Variants in MMP8 observed in about 807,000 individuals in gnomAD.
MMP8 encodes matrix metallopeptidase 8.
Under a neutral mutation model 51.2 loss-of-function variants are expected in MMP8, and 67 were observed. The ratio of observed to expected loss-of-function variants is 1.31; its 90% CI spans 1.08 to 1.60. The LOEUF (loss-of-function observed/expected upper bound fraction) is 1.60. Ranked by LOEUF, MMP8 falls within the 40% of genes most tolerant of loss-of-function variation. MMP8 has a pLI of 0.00. For synonymous variants in MMP8, 225 were observed against 191.0 expected (o/e 1.18, Z -1.47); for missense variants, 654 against 558.1 (o/e 1.17, Z -1.73).
intron 5 of MMP8, 55 bp downstream of exon 5, chr11:102,718,359 G>A: frequency 1.3e-6 from 2 of 1,520,094 alleles, no homozygotes; most frequent in East Asian, 4.7e-5. Flanking sequence ...TTCTGGGAGT[G>A]TTCGCCTATT....
In MMP8 at chr11:102,716,367, A is replaced by G; in HGVS notation, c.837T>C (p.Cys279=). ...QPTGPSTPKP[C]DPSLTFDAIT... ...TAGCATCAAATGTCAAACTGGGGTCACAGGGTTTGGGTGTGCTTGGTCCAG... is the reference window on the plus strand; with the variant it reads ...TAGCATCAAATGTCAAACTGGGGTCGCAGGGTTTGGGTGTGCTTGGTCCAG... Residue 279 remains cysteine (C), a synonymous_variant, in exon 6 of 10, where the codon TGT becomes TGC. Coordinates refer to ENST00000236826, the MANE Select transcript of MMP8 (RefSeq NM_002424.3). 1.9e-6 allele frequency: 3 copies of G among 1,602,606 alleles called. No homozygotes were observed. The highest frequency in any genetic ancestry group is 1.4e-5 in the African/African-American group (1 of 73,248).
chr11:102,718,302 T>G, intron 5 of MMP8, 112 bp downstream of exon 5: 2 of 1,143,426 alleles, frequency 1.7e-6, no homozygotes, highest in South Asian at 3.1e-5. Context: ...AAATTCAGAG[T>G]TCAGTTTTAT....
Position 102,712,344 on chromosome 11 carries a change from T to C in MMP8, c.*1004A>G, listed in dbSNP as rs7925438. 0.23 allele frequency: 34,948 copies of C among 152,192 alleles called. 4,987 individuals are homozygous for C. The highest frequency in any genetic ancestry group is 0.51 in the East Asian group (2,620 of 5,166). The allele number at this position is 152,192 out of a possible 1,614,324, so 9.4% of individuals were successfully genotyped here. A position where few individuals can be genotyped will look rare whatever the true frequency, so the allele number is the denominator to read the frequency against. ...GCCCAGTAGTCCTTAGCAAGGGTTC[T>C]ACTTCTGCATTCTGTGTTGATTCAT... On this transcript the variant is annotated 3_prime_UTR_variant, in exon 10 of 10. Coordinates refer to ENST00000236826, the MANE Select transcript of MMP8 (RefSeq NM_002424.3).
chr11:102,716,559 T>A, intron 5 of MMP8, 140 bp from the exon 6 acceptor site: 1 of 428,436 alleles, frequency 2.3e-6, no homozygotes, highest in East Asian at 3.6e-5. Flanking sequence ...TACCATAAAG[T>A]ATTAAAGTAA....
In MMP8 at chr11:102,714,561, G is replaced by T; in HGVS notation, c.1185C>A (p.Phe395Leu). ...GAAAAAATAGTTTACGTTACCTCCAGAATTGGTCATTTACAAAGAAGTATG... is the reference window on the plus strand; with the variant it reads ...GAAAAAATAGTTTACGTTACCTCCATAATTGGTCATTTACAAAGAAGTATG... ...SKTYFFVNDQFWRYDNQRQFM... is the reference protein window; with the variant it reads ...SKTYFFVNDQLWRYDNQRQFM... The change falls in exon 8 of 10, where the codon TTC becomes TTA. Residue 395 changes from phenylalanine (F) to leucine (L), a missense_variant. Physicochemically the swap from Phe to Leu is conservative, Grantham distance 22. Coordinates refer to ENST00000236826, the MANE Select transcript of MMP8 (RefSeq NM_002424.3). 2 of 1,465,268 alleles carry T rather than the reference G, an allele frequency of 1.4e-6. No homozygotes were observed. Among genetic ancestry groups the T allele is most frequent in the Non-Finnish European group, 1.8e-6 (2 of 1,104,232 alleles). The allele number at this position is 1,465,268 out of a possible 1,614,324, so 90.8% of individuals were successfully genotyped here.
intron 8 of MMP8, 92 bp downstream of exon 8, chr11:102,714,464 G>C: frequency 1.2e-6 from 1 of 823,466 alleles, no homozygotes; most frequent in Non-Finnish European, 1.7e-6. Context: ...AGACTATCTA[G>C]ATTGTTTTAA....
At chr11:102,714,231 A>G (rs1861213498) in intron 8 of MMP8, among the ~76,000 whole-genome samples, 2 of 152,334 alleles carry the variant, frequency 1.3e-5, no homozygotes, top group Admixed American at 6.5e-5. Flanking sequence ...TCTGGATAAC[A>G]TTTGCTTGCA....
At chr11:102,724,633 A>T in intron 1 of MMP8, 121 bp downstream of exon 1, 1 of 882,114 alleles carries the variant, frequency 1.1e-6, no homozygotes, top group Non-Finnish European at 1.7e-6. Context: ...GGAGATGTTC[A>T]ATCTCAAACT....
At chr11:102,715,968 C>G (rs1861280695) in intron 6 of MMP8, among the ~76,000 whole-genome samples, 1 of 152,058 alleles carries the variant, frequency 6.6e-6, no homozygotes, top group Admixed American at 6.5e-5. Flanking sequence ...TAGCCCATGT[C>G]TGTTTACATC....
chr11:102,723,887 C>A, intron 1 of MMP8: 2 of 288,190 alleles, frequency 6.9e-6, no homozygotes, highest in South Asian at 3.0e-5. Context: ...TTAACTCTGC[C>A]ATGAATTAAC....
At chr11:102,714,452 A>G in intron 8 of MMP8, 104 bp downstream of exon 8, 1 of 695,630 alleles carries the variant, frequency 1.4e-6, no homozygotes, top group South Asian at 6.0e-5. Context: ...AAAACCTATT[A>G]GAGACTATCT....
Position 102,722,436 on chromosome 11 carries a change from T to G in MMP8, c.340A>C (p.Thr114Pro). 1 of 1,613,474 alleles carries G rather than the reference T, an allele frequency of 6.2e-7. No individual in the cohort carries two copies. Among genetic ancestry groups the G allele is most frequent in the South Asian group, 1.1e-5 (1 of 91,076 alleles). ...AAACCCTAGAGATATCACCTGTAGGTCAAGTTAGTGCGTTCCCACTTGGGG... is the reference window on the plus strand; with the variant it reads ...AAACCCTAGAGATATCACCTGTAGGGCAAGTTAGTGCGTTCCCACTTGGGG... The part of the protein sequence containing the change: ...GNPKWERTNL[T>P]YRIRNYTPQL... The change falls in exon 2 of 10, where the codon ACC (threonine) becomes CCC (proline). Residue 114 changes from threonine to proline, a missense_variant. Thr to Pro is a conservative substitution (Grantham distance 38). Coordinates refer to ENST00000236826, the MANE Select transcript of MMP8 (RefSeq NM_002424.3).
chr11:102,721,432 A>G lies in MMP8; in HGVS notation c.591T>C (p.Asp197=). The G allele has an allele frequency of 6.2e-7, 1 of 1,613,840 alleles. No homozygotes were observed. ...AGGTGTTGGTCCATGTTTCTTCGGC[A>G]TCAAAATGAGCATCTCCTCCAATAC... ...GQGIGGDAHF[D]AEETWTNTSA... is the part of the protein sequence containing the mutation. Residue 197 remains aspartate (D), a synonymous_variant, in exon 4 of 10, where the codon GAT becomes GAC. Coordinates refer to ENST00000236826, the MANE Select transcript of MMP8 (RefSeq NM_002424.3).
At position 102,715,215 on chromosome 11, in the gene MMP8, C is replaced by G. The variant is rs192319533; in HGVS notation, c.1036+89G>C. 6.1e-6 allele frequency: 9 copies of G among 1,470,058 alleles called. No homozygotes were observed. The South Asian group carries it at 1.1e-4, about 18-fold the overall frequency. The allele number at this position is 1,470,058 out of a possible 1,614,324, so 91.1% of individuals were successfully genotyped here. ...CTGGCCAGCTTAATGCTGTCATTAGCTCACCATGAACCTGAAAGGGACCAC... is the reference window on the plus strand; with the variant it reads ...CTGGCCAGCTTAATGCTGTCATTAGGTCACCATGAACCTGAAAGGGACCAC... On this transcript the variant is annotated intron_variant, in intron 7 of 9. Transcript: ENST00000236826.
At position 102,715,298 on chromosome 11, in the gene MMP8, A is replaced by G; in HGVS notation, c.1036+6T>C. The G allele has an allele frequency of 1.9e-6, 3 of 1,607,024 alleles. No homozygotes were observed. Among genetic ancestry groups the G allele is most frequent in the Admixed American group, 1.7e-5 (1 of 58,350 alleles). On this transcript the variant is annotated splice_donor_region_variant and intron_variant, in intron 7 of 9. Coordinates refer to ENST00000236826, the MANE Select transcript of MMP8 (RefSeq NM_002424.3). ...CTAACATAAGATGAAAACTTTAGGA[A>G]GTTACCTTTAAATAGGAAAATGAGG...
intron 1 of MMP8, chr11:102,723,709 G>T: frequency 3.3e-6 from 1 of 302,230 alleles, no homozygotes; most frequent in South Asian, 2.8e-5. Context: ...AGTCACACAA[G>T]AGTGTCATTA....
chr11:102,721,567 A>C (rs1565440947), intron 3 of MMP8, 41 bp from the exon 4 acceptor site: 4 of 1,613,374 alleles, frequency 2.5e-6, no homozygotes, highest in Non-Finnish European at 3.4e-6. Context: ...GCCAAGTTTC[A>C]GGTTAGCCAA....
At position 102,715,354 on chromosome 11, in the gene MMP8, A is replaced by G. The variant is rs1861259239; in HGVS notation, c.986T>C (p.Ile329Thr). The change falls in exon 7 of 10, where the codon ATA becomes ACA. Residue 329 changes from isoleucine (I) to threonine (T), a missense_variant. Ile to Thr is a moderately conservative substitution (Grantham distance 89, BLOSUM62 -1). Transcript: ENST00000236826. The stretch of plus-strand genomic sequence containing the variant: ...GTCAAAATCTTCATAAGCAGCCTGT[A>G]TACCAGTTGGAAGGGATGGCCAGAA... ...SLFWPSLPTG[I>T]QAAYEDFDRD... 1 of 1,613,748 alleles carries G rather than the reference A, an allele frequency of 6.2e-7. No individual in the cohort carries two copies. The highest frequency in any genetic ancestry group is 8.5e-7 in the Non-Finnish European group (1 of 1,179,792).
rs772425699 is a variant in MMP8, at chr11:102,722,482, A to G, written c.294T>C (p.Gly98=). 2.8e-5 allele frequency: 45 copies of G among 1,613,598 alleles called. No homozygotes were observed. The highest frequency in any genetic ancestry group is 1.4e-4 in the South Asian group (13 of 91,072). ...KPRCGVPDSG[G]FMLTPGNPKW... ...TGGGGTTTCCTGGGGTTAACATAAA[A>G]CCACCACTGTCAGGCACTCCACAGC... Residue 98 remains glycine (G), a synonymous_variant, in exon 2 of 10, where the codon GGT becomes GGC. Coordinates refer to ENST00000236826, the MANE Select transcript of MMP8 (RefSeq NM_002424.3).
Sources: allele counts gnomAD v4.1 joint callset (sites outside exome capture counted in the v4.1 genomes callset), GRCh38; gene constraint gnomAD v4.1.1; transcripts MANE v1.5; gene names NCBI Gene and HGNC (gene_info 2026-07-23, HGNC 2026-07-21).